The following FRMPD3 variants were observed in gnomAD, a reference collection of about 807,000 sequenced individuals.
FRMPD3 encodes FERM and PDZ domain-containing protein 3.
In FRMPD3, 42 loss-of-function variants were observed where a neutral mutation model predicts 97.9. The observed-to-expected ratio is 0.43, with a 90% CI of 0.34 to 0.55. The LOEUF is 0.55. Ranked by LOEUF, FRMPD3 falls within the 20% of genes least tolerant of loss-of-function variation. FRMPD3 has a pLI of 0.03. For missense variants in FRMPD3, 1,303 were observed against 1,457.7 expected, an observed-to-expected ratio of 0.89 and a Z score of 1.73; for synonymous variants, 577 against 581.1, an observed-to-expected ratio of 0.99 and a Z score of 0.10.
chrX:107,519,738 G>A (rs1273680399), intron 1 of FRMPD3, among the ~76,000 whole-genome samples: 1 of 111,326 alleles, frequency 9.0e-6, no homozygotes, highest in Non-Finnish European at 1.9e-5. Context: ...AGAAGGAGGA[G>A]TAATGGCCTG....
chrX:107,569,163 C>T (rs1259425070), intron 12 of FRMPD3, among the ~76,000 whole-genome samples: 5 of 110,284 alleles, frequency 4.5e-5, no homozygotes, highest in Non-Finnish European at 9.5e-5. Context: ...CGCATCGTGG[C>T]GCACACCTGT....
rs764247523 is a variant in FRMPD3, at chrX:107,458,849, T to C, written c.-8+8844T>C. ...CTACAGCAATCTAAGTGAGAGGTGA[T>C]AAGGGTGGTGGCAGTGGGCATAGAG... On this transcript the variant is annotated intron_variant, in intron 1 of 14. Coordinates refer to ENST00000683843, the MANE Select transcript of FRMPD3 (RefSeq NM_001388459.1). Among the ~76,000 whole-genome samples, 11 of 111,313 alleles carry C rather than the reference T, an allele frequency of 9.9e-5. 1 individual carries two copies. The highest frequency in any genetic ancestry group is 9.5e-4 in the Admixed American group (10 of 10,481).
Position 107,602,311 on chromosome X carries a change from G to A in FRMPD3, c.4272G>A (p.Glu1424=), listed in dbSNP as rs377184517. ...CTCCCCTGGGCATGCTGCCCAGGGA[G>A]GCCAAGGAGGTAGAGGCAAGCCTCC... ...PHPPLGMLPR[E]AKEVEASLPI... The change falls in exon 15 of 15, where the codon GAG becomes GAA. Residue 1424 remains glutamate, a synonymous_variant. Coordinates refer to ENST00000683843, the MANE Select transcript of FRMPD3 (RefSeq NM_001388459.1). 15 of 1,208,573 alleles carry A rather than the reference G, an allele frequency of 1.2e-5. No homozygotes were observed. In the African/African-American group the frequency reaches 1.7e-4, roughly 14 times the overall value.
chrX:107,591,400 A>C (rs1923894033), intron 13 of FRMPD3, among the ~76,000 whole-genome samples: 1 of 111,538 alleles, frequency 9.0e-6, no homozygotes, highest in Non-Finnish European at 1.9e-5. Context: ...CAAGTGATCC[A>C]CCTACCTCGG....
chrX:107,538,564 AAC>A (rs1344363117), intron 4 of FRMPD3, among the ~76,000 whole-genome samples: 133 of 104,162 alleles, frequency 1.3e-3, no homozygotes, highest in African/African-American at 4.8e-3. Flanking sequence ...AAAAAAAAAA[AAC>A]CACTGGACCA....
intron 1 of FRMPD3, among the ~76,000 whole-genome samples, chrX:107,456,368 T>G (rs1256732204): frequency 1.8e-5 from 2 of 111,341 alleles, no homozygotes; most frequent in East Asian, 5.6e-4. Flanking sequence ...ATTTTCAACC[T>G]CAAAAAAATT....
At chrX:107,476,919 C>T (rs1434571456) in intron 1 of FRMPD3, among the ~76,000 whole-genome samples, 12 of 112,444 alleles carry the variant, frequency 1.1e-4, no homozygotes, top group Middle Eastern at 4.6e-3. Context: ...TCAGTCCCTT[C>T]CCTCATCTCT....
chrX:107,487,237 G>A (rs1175777472), intron 1 of FRMPD3, among the ~76,000 whole-genome samples: 3 of 111,157 alleles, frequency 2.7e-5, no homozygotes, highest in African/African-American at 9.8e-5. Context: ...CTGGGCAACA[G>A]AGCAAGACTC....
At chrX:107,578,471 G>T (rs1485233228) in intron 13 of FRMPD3, among the ~76,000 whole-genome samples, 1 of 111,439 alleles carries the variant, frequency 9.0e-6, no homozygotes, top group South Asian at 3.8e-4. Context: ...GCTAGGTGTG[G>T]CTTTAAAACA....
chrX:107,526,002 G>A (rs1922680575), intron 1 of FRMPD3, among the ~76,000 whole-genome samples: 1 of 111,258 alleles, frequency 9.0e-6, no homozygotes, highest in Non-Finnish European at 1.9e-5. Flanking sequence ...CTTGACCCCG[G>A]GAGGTGGAGG....
intron 1 of FRMPD3, among the ~76,000 whole-genome samples, chrX:107,522,773 C>T (rs1922552128): frequency 8.9e-6 from 1 of 111,763 alleles, no homozygotes; most frequent in Non-Finnish European, 1.9e-5. Flanking sequence ...AGGCCTTTAC[C>T]CAGGTCACTA....
At chrX:107,554,346 AG>A (rs1921989516) in intron 7 of FRMPD3, 38 bp from the exon 8 acceptor site, 1 of 1,188,902 alleles carries the variant, frequency 8.4e-7, no homozygotes, top group African/African-American at 1.7e-5. Flanking sequence ...CATTGATTCC[AG>A]ATCTCTTTTC....
intron 1 of FRMPD3, among the ~76,000 whole-genome samples, chrX:107,514,538 T>C (rs1447538088): frequency 1.9e-5 from 2 of 107,199 alleles, no homozygotes; most frequent in African/African-American, 3.4e-5. Context: ...CCTTTTTTTT[T>C]TTTTTTTGAC....
At chrX:107,574,617 T>C (rs1923036274) in intron 12 of FRMPD3, among the ~76,000 whole-genome samples, 1 of 112,602 alleles carries the variant, frequency 8.9e-6, no homozygotes, top group African/African-American at 3.2e-5. Flanking sequence ...ACTGCAACTT[T>C]AGCTAACAGC....
At chrX:107,476,471 C>G (rs1467558733) in intron 1 of FRMPD3, among the ~76,000 whole-genome samples, 1 of 112,037 alleles carries the variant, frequency 8.9e-6, no homozygotes, top group East Asian at 2.8e-4. Context: ...CATTCAGACC[C>G]CTTAGCTCCC....
chrX:107,603,626 A>C lies in FRMPD3; in HGVS notation c.*253A>C. 5.0e-6 allele frequency: 2 copies of C among 403,682 alleles called. No individual in the cohort carries two copies. Among genetic ancestry groups the C allele is most frequent in the East Asian group, 4.4e-5 (1 of 22,513 alleles). 33.3% of individuals were successfully genotyped at this position (403,682 alleles called of 1,213,427 possible). A position where few individuals can be genotyped will look rare whatever the true frequency, so the allele number is the denominator to read the frequency against. On this transcript the variant is annotated 3_prime_UTR_variant, in exon 15 of 15. Coordinates refer to ENST00000683843, the MANE Select transcript of FRMPD3 (RefSeq NM_001388459.1). ...ACTGTGAGGGCAAAGGCCCCTCTTCACTCTGCTCACAGCAGAGCTGTATTT... is the reference window on the plus strand; with the variant it reads ...ACTGTGAGGGCAAAGGCCCCTCTTCCCTCTGCTCACAGCAGAGCTGTATTT...
At chrX:107,584,158 C>T (rs1361758023) in intron 13 of FRMPD3, among the ~76,000 whole-genome samples, 5 of 111,113 alleles carry the variant, frequency 4.5e-5, no homozygotes, top group Non-Finnish European at 9.4e-5. Context: ...TGAGCCACCA[C>T]GCCTGGCCCT....
chrX:107,538,272 C>T (rs535228952), intron 4 of FRMPD3, among the ~76,000 whole-genome samples: 1 of 111,170 alleles, frequency 9.0e-6, no homozygotes, highest in East Asian at 2.8e-4. Context: ...TGTCATAGAA[C>T]GTAACCACCT....
At chrX:107,510,660 T>G (rs1158932879) in intron 1 of FRMPD3, among the ~76,000 whole-genome samples, 1 of 111,982 alleles carries the variant, frequency 8.9e-6, no homozygotes, top group Non-Finnish European at 1.9e-5. Flanking sequence ...GACCACTGTT[T>G]AAGAAAGACC....
Sources: gnomAD v4.1 joint callset for allele counts (sites outside exome capture counted in the v4.1 genomes callset) on GRCh38, gnomAD v4.1.1 for gene constraint, MANE v1.5 for transcripts, NCBI Gene and HGNC (gene_info 2026-07-23, HGNC 2026-07-21) for gene names.